The following ATP5MJ variants were observed in gnomAD, a reference collection of about 807,000 sequenced individuals.
ATP5MJ encodes ATP synthase membrane subunit j.
A neutral mutation model predicts 8.3 loss-of-function variants in ATP5MJ; 4 were observed. The ratio of observed to expected loss-of-function variants is 0.48; its 90% CI spans 0.24 to 1.11. The LOEUF (loss-of-function observed/expected upper bound fraction) is 1.11. Ranked by LOEUF, ATP5MJ falls within the 50% of genes least tolerant of loss-of-function variation. ATP5MJ has a pLI of 0.18. For missense variants in ATP5MJ, 66 were observed against 71.8 expected, an observed-to-expected ratio of 0.92 and a Z score of 0.29; for synonymous variants, 23 against 21.3, an observed-to-expected ratio of 1.08 and a Z score of -0.23.
chr14:103,915,695 G>T (rs12895592), intron 1 of ATP5MJ, among the ~76,000 whole-genome samples: 36,796 of 147,398 alleles, frequency 0.25, 5,052 homozygotes, highest in South Asian at 0.44. Flanking sequence ...TACCACATTG[G>T]TCAGGCTGGT....
rs534369607 is a variant in ATP5MJ, at chr14:103,912,892, G to A, written c.149-198C>T. On this transcript the variant is annotated intron_variant, in intron 3 of 3. Transcript: ENST00000286953. ...AGGGTTCATGTAATGACAGCAGACAGGCAGTGGTCACCCACAGCGCAAAGA... is the reference window on the plus strand; with the variant it reads ...AGGGTTCATGTAATGACAGCAGACAAGCAGTGGTCACCCACAGCGCAAAGA... The A allele has an allele frequency of 8.5e-6, 5 of 588,636 alleles. No homozygotes were observed. In the East Asian group the frequency reaches 1.4e-4, roughly 17 times the overall value. 36.5% of individuals were successfully genotyped at this position (588,636 alleles called of 1,614,324 possible). A position where few individuals can be genotyped will look rare whatever the true frequency, so the allele number is the denominator to read the frequency against.
At chr14:103,920,454 A>C (rs571526116) in intron 1 of ATP5MJ, among the ~76,000 whole-genome samples, 2 of 141,206 alleles carry the variant, frequency 1.4e-5, no homozygotes, top group Admixed American at 7.4e-5. Flanking sequence ...CACATAATAA[A>C]ACGACAGCCC....
chr14:103,913,804 A>C, intron 3 of ATP5MJ, 157 bp downstream of exon 3: 1 of 773,144 alleles, frequency 1.3e-6, no homozygotes, highest in Non-Finnish European at 2.1e-6. Context: ...CTTTCCCAGC[A>C]GGCATAGCAA....
intron 1 of ATP5MJ, chr14:103,921,164 C>T: frequency 2.5e-6 from 2 of 813,302 alleles, no homozygotes; most frequent in Non-Finnish European, 4.0e-6. Flanking sequence ...CTCTGCGTAG[C>T]CTCTGGGTTA....
At chr14:103,917,849 G>A (rs953044716) in intron 1 of ATP5MJ, among the ~76,000 whole-genome samples, 6 of 152,124 alleles carry the variant, frequency 3.9e-5, no homozygotes, top group Admixed American at 1.3e-4. Context: ...GCGGGTACTC[G>A]GATCCCGCAG....
intron 1 of ATP5MJ, among the ~76,000 whole-genome samples, chr14:103,917,233 TAAAACAGGGATA>T (rs1334387440): frequency 6.6e-6 from 1 of 152,168 alleles, no homozygotes; most frequent in Admixed American, 6.5e-5. Flanking sequence ...TTCTCATCTG[TAAAACAGGGATA>T]AAAACAGGAT....
chr14:103,913,888 A>T, intron 3 of ATP5MJ, 73 bp downstream of exon 3: 1 of 1,531,686 alleles, frequency 6.5e-7, no homozygotes, highest in Non-Finnish European at 9.0e-7. Flanking sequence ...ATTGAGAACA[A>T]CGATATACCT....
chr14:103,914,837 CAAAAAAAAAAAAA>C lies in ATP5MJ; in HGVS notation c.124+216_124+228del, dbSNP rs35916279. The C allele has an allele frequency of 2.7e-5, 5 of 186,150 alleles. 1 individual carries two copies. Among genetic ancestry groups the C allele is most frequent in the Non-Finnish European group, 3.4e-5 (4 of 116,554 alleles). The allele number at this position is 186,150 out of a possible 1,614,324, so 11.5% of individuals were successfully genotyped here. ...GGGCGTCAGAGTGAGAGACTGTCTC[CAAAAAAAAAAAAA>C]AAAAAAAGAAAAGAAAAGAAAAAAA... On this transcript the variant is annotated intron_variant, in intron 2 of 3. Transcript: ENST00000286953.
At chr14:103,917,457 A>G (rs1484805557) in intron 1 of ATP5MJ, among the ~76,000 whole-genome samples, 3 of 143,258 alleles carry the variant, frequency 2.1e-5, no homozygotes, top group African/African-American at 8.8e-5. Context: ...AAATTTAACA[A>G]CTTTTTTTTT....
At chr14:103,920,619 C>G (rs1017844705) in intron 1 of ATP5MJ, among the ~76,000 whole-genome samples, 1 of 151,036 alleles carries the variant, frequency 6.6e-6, no homozygotes, top group Non-Finnish European at 1.5e-5. Flanking sequence ...CTACAGGTGC[C>G]TGCCACCACA....
chr14:103,915,836 C>G (rs1180134991), intron 1 of ATP5MJ, among the ~76,000 whole-genome samples: 1 of 152,016 alleles, frequency 6.6e-6, no homozygotes, highest in Non-Finnish European at 1.5e-5. Context: ...ATCCCCAGGG[C>G]CCCCTCCTCC....
At chr14:103,920,165 C>A (rs551062725) in intron 1 of ATP5MJ, among the ~76,000 whole-genome samples, 5 of 127,622 alleles carry the variant, frequency 3.9e-5, no homozygotes, top group Admixed American at 2.6e-4. Flanking sequence ...CGCTTTGTCA[C>A]CCAGGCTGGA....
chr14:103,915,317 G>T, intron 1 of ATP5MJ, 128 bp from the exon 2 acceptor site: 1 of 1,025,204 alleles, frequency 9.8e-7, no homozygotes, highest in Non-Finnish European at 1.4e-6. Context: ...TGTGTCAGAT[G>T]TCAGACCCGT....
At chr14:103,917,726 T>C (rs1244287737) in intron 1 of ATP5MJ, among the ~76,000 whole-genome samples, 1 of 152,220 alleles carries the variant, frequency 6.6e-6, no homozygotes, top group African/African-American at 2.4e-5. Context: ...GCCCTGATTG[T>C]GGTTAGTTCT....
chr14:103,914,634 C>CTACAAAAAAAAAAAG, intron 2 of ATP5MJ: 1 of 570,918 alleles, frequency 1.8e-6, no homozygotes, highest in Non-Finnish European at 3.1e-6. Flanking sequence ...AACCCCATCT[C>CTACAAAAAAAAAAAG]TACAAAAAAA....
intron 1 of ATP5MJ, among the ~76,000 whole-genome samples, chr14:103,916,972 A>C (rs956747553): frequency 3.3e-5 from 5 of 152,180 alleles, no homozygotes; most frequent in African/African-American, 1.2e-4. Flanking sequence ...GCGGCCCTCA[A>C]ATCACTGAAA....
Position 103,913,771 on chromosome 14 carries a change from A to G in ATP5MJ, c.148+190T>C. On this transcript the variant is annotated intron_variant, in intron 3 of 3. Transcript: ENST00000286953. ...AGTTTTACTTGATCCACTTGACTAT[A>G]AAAAGCAGAAATTCAGAATTCTCTT... 4 of 661,570 alleles carry G rather than the reference A, an allele frequency of 6.0e-6. No individual in the cohort carries two copies. In the South Asian group the frequency reaches 8.1e-5, roughly 13 times the overall value. The allele number at this position is 661,570 out of a possible 1,614,324, so 41.0% of individuals were successfully genotyped here. A position where few individuals can be genotyped will look rare whatever the true frequency, so the allele number is the denominator to read the frequency against.
rs937835498 is a variant in ATP5MJ, at chr14:103,912,415, T to C, written c.*251A>G. The C allele has an allele frequency of 2.3e-5, 11 of 484,428 alleles. No individual in the cohort carries two copies. Among genetic ancestry groups the C allele is most frequent in the Non-Finnish European group, 3.7e-5 (10 of 270,432 alleles). The allele number at this position is 484,428 out of a possible 1,614,324, so 30.0% of individuals were successfully genotyped here. On this transcript the variant is annotated 3_prime_UTR_variant, in exon 4 of 4. Coordinates refer to ENST00000286953, the MANE Select transcript of ATP5MJ (RefSeq NM_004894.3). ...CACAATGATGGGTGGCTCAGTGAGA[T>C]TCTGATTGCATGCGCTGCATGACAA...
At chr14:103,915,014 T>C in intron 2 of ATP5MJ, 52 bp downstream of exon 2, 2 of 1,610,630 alleles carry the variant, frequency 1.2e-6, no homozygotes, top group Admixed American at 1.7e-5. Flanking sequence ...TGATTCTTTT[T>C]GAAAATAATT....
Sources: gnomAD v4.1 joint callset for allele counts (sites outside exome capture counted in the v4.1 genomes callset) on GRCh38, gnomAD v4.1.1 for gene constraint, MANE v1.5 for transcripts, NCBI Gene and HGNC (gene_info 2026-07-23, HGNC 2026-07-21) for gene names.